GABRG3: variants seen among roughly 807,000 people sequenced by gnomAD.
The protein encoded by GABRG3 is gamma-aminobutyric acid receptor subunit gamma-3.
A neutral mutation model predicts 48.8 loss-of-function variants in GABRG3; 25 were observed. The observed-to-expected ratio is 0.51, with a 90% CI of 0.37 to 0.72. The LOEUF (loss-of-function observed/expected upper bound fraction) is 0.72, where lower values mean the gene tolerates loss of function less well. Ranked by LOEUF, GABRG3 falls within the 30% of genes least tolerant of loss-of-function variation. GABRG3 has a pLI of 0.00. For missense variants in GABRG3, 394 were observed against 577.9 expected (o/e 0.68, Z 3.26); for synonymous variants, 227 against 217.6 (o/e 1.04, Z -0.38).
chr15:27,356,173 T>C (rs139724250), intron 5 of GABRG3, among the ~76,000 whole-genome samples: 9 of 152,190 alleles, frequency 5.9e-5, no homozygotes, highest in South Asian at 2.1e-4. Context: ...AATTTTATAG[T>C]CCTATAACAA....
chr15:27,206,871 G>A (rs1165402143), intron 3 of GABRG3, among the ~76,000 whole-genome samples: 5 of 152,066 alleles, frequency 3.3e-5, no homozygotes, highest in African/African-American at 7.2e-5. Context: ...AATAGCAACC[G>A]GTGCTCTTTT....
In GABRG3 at chr15:27,182,329, G is replaced by T. The variant is rs565873910; in HGVS notation, c.271-144480G>T. 9.2e-5 allele frequency among the ~76,000 whole-genome samples: 14 copies of T among 152,192 alleles called. No homozygotes were observed. The South Asian group carries it at 2.9e-3, about 32-fold the overall frequency. On this transcript the variant is annotated intron_variant, in intron 3 of 9. Transcript: ENST00000615808. ...GTTAGGTTGTTATTCGAATGTGTAC[G>T]GTATTTATTCAAAATTACAGGTGAT...
At chr15:27,154,488 C>T (rs1057256728) in intron 3 of GABRG3, among the ~76,000 whole-genome samples, 6 of 152,108 alleles carry the variant, frequency 3.9e-5, no homozygotes, top group Admixed American at 3.9e-4. Flanking sequence ...AGATGTTTAT[C>T]AAGTTGAGGA....
At chr15:27,123,462 C>G (rs1028736016) in intron 3 of GABRG3, among the ~76,000 whole-genome samples, 6 of 152,218 alleles carry the variant, frequency 3.9e-5, no homozygotes, top group African/African-American at 1.4e-4. Context: ...ACAGCAGGCA[C>G]TGTCTATGAG....
intron 3 of GABRG3, among the ~76,000 whole-genome samples, chr15:27,182,746 A>C (rs2140417643): frequency 6.6e-6 from 1 of 152,236 alleles, no homozygotes; most frequent in East Asian, 1.9e-4. Context: ...GCGCTCGCTG[A>C]ATTTGCAACT....
At chr15:27,478,071 G>GAAAT (rs1421748998) in intron 5 of GABRG3, among the ~76,000 whole-genome samples, 33 of 149,770 alleles carry the variant, frequency 2.2e-4, no homozygotes, top group Non-Finnish European at 3.6e-4. Context: ...AAGAAAGAAA[G>GAAAT]AAAGAAAAGG....
chr15:27,458,086 C>G (rs746176521), intron 5 of GABRG3, among the ~76,000 whole-genome samples: 28 of 152,134 alleles, frequency 1.8e-4, no homozygotes, highest in Non-Finnish European at 3.7e-4. Context: ...TCAGTCCCCC[C>G]TCCCTGTATT....
intron 3 of GABRG3, among the ~76,000 whole-genome samples, chr15:27,322,697 T>G (rs1893472634): frequency 6.6e-6 from 1 of 152,174 alleles, no homozygotes; most frequent in Non-Finnish European, 1.5e-5. Flanking sequence ...GCACAGTTTA[T>G]GAACAGTGTA....
Position 27,201,392 on chromosome 15 carries a change from A to G in GABRG3, c.271-125417A>G, listed in dbSNP as rs192509470. On this transcript the variant is annotated intron_variant, in intron 3 of 9. Coordinates refer to ENST00000615808, the MANE Select transcript of GABRG3 (RefSeq NM_033223.5). Reference sequence around the variant, plus strand: ...TGTGTGAGAGAGAAAGAGAGAGAGAACCACAGAGAGAGAGAGAAGAGAAAG... The same window carrying G: ...TGTGTGAGAGAGAAAGAGAGAGAGAGCCACAGAGAGAGAGAGAAGAGAAAG... 1.5e-3 allele frequency among the ~76,000 whole-genome samples: 231 copies of G among 150,656 alleles called. 4 individuals are homozygous for G. In the East Asian group the frequency reaches 0.03, roughly 20 times the overall value.
intron 3 of GABRG3, among the ~76,000 whole-genome samples, chr15:27,060,130 G>C (rs1896620435): frequency 6.6e-6 from 1 of 152,244 alleles, no homozygotes. Context: ...TTAAAATCCA[G>C]TTGGTTTTTA....
At chr15:27,430,868 T>C (rs907473934) in intron 5 of GABRG3, among the ~76,000 whole-genome samples, 2 of 152,032 alleles carry the variant, frequency 1.3e-5, no homozygotes, top group African/African-American at 4.8e-5. Flanking sequence ...CAGGCGCCTG[T>C]AATCCCAGCT....
intron 3 of GABRG3, among the ~76,000 whole-genome samples, chr15:27,115,682 AACAT>A: frequency 6.6e-6 from 1 of 152,282 alleles, no homozygotes; most frequent in South Asian, 2.1e-4. Context: ...CAGTCCTCCC[AACAT>A]ACCTTTGAAC....
intron 3 of GABRG3, among the ~76,000 whole-genome samples, chr15:27,100,986 C>T (rs758258027): frequency 6.6e-6 from 1 of 152,086 alleles, no homozygotes; most frequent in Non-Finnish European, 1.5e-5. Flanking sequence ...CAAGAATAAG[C>T]AATTATTAGG....
intron 5 of GABRG3, among the ~76,000 whole-genome samples, chr15:27,387,739 G>A (rs1895968987): frequency 1.4e-5 from 2 of 147,894 alleles, no homozygotes; most frequent in Non-Finnish European, 3.0e-5. Context: ...AGCAGGGAGG[G>A]GGCCAAATGT....
intron 3 of GABRG3, among the ~76,000 whole-genome samples, chr15:27,129,539 A>G (rs947247101): frequency 2.0e-5 from 3 of 152,120 alleles, no homozygotes; most frequent in Non-Finnish European, 4.4e-5. Flanking sequence ...CCTGCTTTCA[A>G]TTCTTTTGGG....
At chr15:27,008,872 G>A (rs1895636075) in intron 2 of GABRG3, among the ~76,000 whole-genome samples, 2 of 152,118 alleles carry the variant, frequency 1.3e-5, no homozygotes, top group Non-Finnish European at 2.9e-5. Flanking sequence ...CCTTTTCAAT[G>A]GCACCTCGCT....
At chr15:27,041,451 G>T (rs972148145) in intron 3 of GABRG3, among the ~76,000 whole-genome samples, 4 of 152,116 alleles carry the variant, frequency 2.6e-5, no homozygotes, top group Non-Finnish European at 4.4e-5. Context: ...AAAGTGCTGG[G>T]ATTACAGGTG....
chr15:27,109,746 G>C (rs1333451242), intron 3 of GABRG3, among the ~76,000 whole-genome samples: 1 of 152,154 alleles, frequency 6.6e-6, no homozygotes, highest in Non-Finnish European at 1.5e-5. Flanking sequence ...GCCGGATGTG[G>C]TGGCACGTGT....
intron 3 of GABRG3, among the ~76,000 whole-genome samples, chr15:27,032,696 G>A (rs1595483594): frequency 1.3e-5 from 2 of 152,332 alleles, no homozygotes; most frequent in Admixed American, 1.3e-4. Context: ...TGTCTATGAT[G>A]CAAACACCTC....
Sources: allele counts gnomAD v4.1 joint callset (sites outside exome capture counted in the v4.1 genomes callset), GRCh38; gene constraint gnomAD v4.1.1; transcripts MANE v1.5; gene names NCBI Gene and HGNC (gene_info 2026-07-23, HGNC 2026-07-21).